Variants in UBE2N observed in about 807,000 individuals in gnomAD.
UBE2N encodes the protein ubiquitin conjugating enzyme E2 N, also known as ubiquitin-conjugating enzyme E2 N.
For missense variants in UBE2N, 60 were observed against 192.1 expected, an observed-to-expected ratio of 0.31 and a Z score of 4.07; for synonymous variants, 70 against 69.2, an observed-to-expected ratio of 1.01 and a Z score of -0.06.
chr12:93,425,196 A>AT (rs768186674), intron 1 of UBE2N, among the ~76,000 whole-genome samples: 41 of 152,332 alleles, frequency 2.7e-4, no homozygotes, highest in Admixed American at 3.3e-4. Flanking sequence ...GCCCAAGCTA[A>AT]TATTTGGCAG....
intron 1 of UBE2N, among the ~76,000 whole-genome samples, chr12:93,440,817 CTT>C (rs1317950926): frequency 6.6e-6 from 1 of 152,188 alleles, no homozygotes; most frequent in African/African-American, 2.4e-5. Flanking sequence ...TTCCTTAAGA[CTT>C]TACAAAATCA....
chr12:93,430,277 G>A (rs552456559), intron 1 of UBE2N, among the ~76,000 whole-genome samples: 3 of 152,270 alleles, frequency 2.0e-5, no homozygotes, highest in African/African-American at 4.8e-5. Context: ...CATAGCCTAG[G>A]TGTGTAGCAT....
chr12:93,429,831 T>C (rs568238151), intron 1 of UBE2N, among the ~76,000 whole-genome samples: 30 of 152,326 alleles, frequency 2.0e-4, no homozygotes, highest in African/African-American at 7.0e-4. Context: ...AAAGAAAATA[T>C]ATTTTTGCAC....
Position 93,406,561 on chromosome 12 carries a change from A to G in UBE2N, c.*3478T>C, listed in dbSNP as rs928904371. ...AGGTTCTATATAGTTGGCCCTCCAT[A>G]TCCATGGGTTCCACTTCCGTGGATT... is the stretch of plus-strand genomic sequence containing the variant. On this transcript the variant is annotated 3_prime_UTR_variant, in exon 4 of 4. Coordinates refer to ENST00000318066, the MANE Select transcript of UBE2N (RefSeq NM_003348.4). The G allele has an allele frequency of 2.0e-5, 3 of 152,244 alleles. No homozygotes were observed. Among genetic ancestry groups the G allele is most frequent in the Admixed American group, 6.5e-5 (1 of 15,278 alleles). 9.4% of individuals were successfully genotyped at this position (152,244 alleles called of 1,614,324 possible). A position where few individuals can be genotyped will look rare whatever the true frequency, so the allele number is the denominator to read the frequency against.
intron 1 of UBE2N, chr12:93,429,183 C>T (rs1878679612): frequency 3.2e-6 from 1 of 311,062 alleles, no homozygotes; most frequent in Non-Finnish European, 6.1e-6. Flanking sequence ...GGAAGTAGAG[C>T]TGCTTGAACC....
intron 1 of UBE2N, among the ~76,000 whole-genome samples, chr12:93,440,166 C>G (rs1879058514): frequency 6.6e-6 from 1 of 152,172 alleles, no homozygotes; most frequent in African/African-American, 2.4e-5. Flanking sequence ...TAGTCAATAA[C>G]CTAAGTAACA....
intron 1 of UBE2N, among the ~76,000 whole-genome samples, chr12:93,430,314 ATACTC>A (rs1261460780): frequency 6.6e-6 from 1 of 152,142 alleles, no homozygotes; most frequent in East Asian, 1.9e-4. Flanking sequence ...TTGTATAAAT[ATACTC>A]TATGATGTTC....
intron 1 of UBE2N, among the ~76,000 whole-genome samples, chr12:93,440,802 G>C (rs1266817456): frequency 6.6e-6 from 1 of 152,146 alleles, no homozygotes; most frequent in African/African-American, 2.4e-5. Flanking sequence ...AAGACTTGTC[G>C]ATATTTCCTT....
intron 1 of UBE2N, among the ~76,000 whole-genome samples, chr12:93,425,942 C>T (rs1592747198): frequency 6.6e-6 from 1 of 152,268 alleles, no homozygotes; most frequent in South Asian, 2.1e-4. Flanking sequence ...CACGAGTTGA[C>T]ATATTAAAGA....
chr12:93,428,020 A>G (rs547686444), intron 1 of UBE2N, among the ~76,000 whole-genome samples: 34 of 152,214 alleles, frequency 2.2e-4, no homozygotes, highest in Admixed American at 1.2e-3. Flanking sequence ...GGCTCAAGTG[A>G]TCCTCCCATT....
chr12:93,415,324 A>G lies in UBE2N; in HGVS notation c.31-4025T>C, dbSNP rs188049062. Among the ~76,000 whole-genome samples, 692 of 152,382 alleles carry G rather than the reference A, an allele frequency of 4.5e-3. 5 individuals are homozygous for G. The highest frequency in any genetic ancestry group is 7.6e-3 in the Non-Finnish European group (515 of 68,042). On this transcript the variant is annotated intron_variant, in intron 1 of 3. Transcript: ENST00000318066. ...AGCACAGTAATATACTGAAATAGTCATAAGATGTAAATACAAATCAAATGC... is the reference window on the plus strand; with the variant it reads ...AGCACAGTAATATACTGAAATAGTCGTAAGATGTAAATACAAATCAAATGC...
At chr12:93,414,357 G>A (rs1486947424) in intron 1 of UBE2N, among the ~76,000 whole-genome samples, 2 of 151,210 alleles carry the variant, frequency 1.3e-5, no homozygotes, top group African/African-American at 4.9e-5. Flanking sequence ...GCTGAGGCAG[G>A]AGAATCGCTT....
At chr12:93,439,892 C>CTAT (rs72515607) in intron 1 of UBE2N, among the ~76,000 whole-genome samples, 1 of 151,788 alleles carries the variant, frequency 6.6e-6, no homozygotes, top group Admixed American at 6.6e-5. Context: ...GTATGAGTTA[C>CTAT]TGTCTTAGTT....
intron 1 of UBE2N, among the ~76,000 whole-genome samples, chr12:93,416,800 C>T (rs1878226681): frequency 7.0e-6 from 1 of 143,186 alleles, no homozygotes; most frequent in South Asian, 2.2e-4. Context: ...AGGGGAATCA[C>T]TTGAGGCTAG....
intron 1 of UBE2N, among the ~76,000 whole-genome samples, chr12:93,435,919 A>C (rs1031484475): frequency 7.4e-5 from 11 of 148,882 alleles, no homozygotes; most frequent in Middle Eastern, 6.8e-3. Context: ...TATTTTCTTA[A>C]GTAAATTTTT....
chr12:93,418,425 C>T (rs11107017), intron 1 of UBE2N, among the ~76,000 whole-genome samples: 1,764 of 152,124 alleles, frequency 0.012, 37 homozygotes, highest in African/African-American at 0.04. Context: ...CAAGTGCATA[C>T]CCCTTGCTTC....
chr12:93,427,396 T>G (rs1010417558), intron 1 of UBE2N, among the ~76,000 whole-genome samples: 1 of 152,206 alleles, frequency 6.6e-6, no homozygotes, highest in Non-Finnish European at 1.5e-5. Context: ...AAGGTTTTAT[T>G]TAGAAAACAC....
intron 1 of UBE2N, among the ~76,000 whole-genome samples, chr12:93,427,814 T>A (rs1418819410): frequency 6.6e-6 from 1 of 152,228 alleles, no homozygotes; most frequent in African/African-American, 2.4e-5. Context: ...GATTTTGGAA[T>A]CTTACCGATG....
chr12:93,420,290 C>T (rs1878368701), intron 1 of UBE2N, among the ~76,000 whole-genome samples: 1 of 152,140 alleles, frequency 6.6e-6, no homozygotes, highest in Admixed American at 6.5e-5. Context: ...ATGACTTGGG[C>T]TAGAAATCTC....
Sources: gnomAD v4.1 joint callset for allele counts (sites outside exome capture counted in the v4.1 genomes callset) on GRCh38, gnomAD v4.1.1 for gene constraint, MANE v1.5 for transcripts, NCBI Gene and HGNC (gene_info 2026-07-23, HGNC 2026-07-21) for gene names.